The following SH3BP2 variants were observed in gnomAD, a reference collection of about 807,000 sequenced individuals.
SH3BP2 encodes the protein SH3 domain binding protein 2, also known as SH3 domain-binding protein 2.
Under a neutral mutation model 56.2 loss-of-function variants are expected in SH3BP2, and 38 were observed. The ratio of observed to expected loss-of-function variants is 0.68; its 90% confidence interval spans 0.52 to 0.89. The LOEUF is 0.89. SH3BP2 is among the 40% of genes least tolerant of loss of function. The probability of loss-of-function intolerance (pLI) is 0.00; values close to 1 mark genes in which losing one functional copy is unlikely to be tolerated. For missense variants in SH3BP2, 748 were observed against 762.6 expected, an observed-to-expected ratio of 0.98 and a Z score of 0.23; for synonymous variants, 346 against 316.7, an observed-to-expected ratio of 1.09 and a Z score of -0.98.
chr4:2,821,170 C>G (rs1346281645), intron 2 of SH3BP2, among the ~76,000 whole-genome samples: 1 of 152,328 alleles, frequency 6.6e-6, no homozygotes, highest in South Asian at 2.1e-4. Flanking sequence ...GGCTCTGGCC[C>G]CCAGGACAGC....
At chr4:2,826,712 CCG>C (rs1219670758) in intron 5 of SH3BP2, 6 of 354,480 alleles carry the variant, frequency 1.7e-5, no homozygotes, top group Non-Finnish European at 3.3e-5. Context: ...GTGTGCATGT[CCG>C]CATGTTGCTC....
chr4:2,808,111 A>ACT (rs10683835), intron 1 of SH3BP2, among the ~76,000 whole-genome samples: 118,146 of 152,000 alleles, frequency 0.78, 46,910 homozygotes, highest in African/African-American at 0.94. Context: ...ACAGAAATTT[A>ACT]CTCTCATGAT....
At position 2,827,649 on chromosome 4, in the gene SH3BP2, C is replaced by T; in HGVS notation, c.561C>T (p.Asp187=). Residue 187 remains aspartate (D), a synonymous_variant, in exon 7 of 13, where the codon GAC becomes GAT. Transcript: ENST00000503393. ...DDEDDSYLEP[D]SPEPGRLEDA... ...AGGATGACTCCTACCTGGAGCCTGA[C>T]TCCCCGGAGCCCGGAAGGCTTGAGG... 2 of 1,596,434 alleles carry T rather than the reference C, an allele frequency of 1.3e-6. No individual in the cohort carries two copies. The highest frequency in any genetic ancestry group is 1.7e-6 in the Non-Finnish European group (2 of 1,171,216).
At chr4:2,819,511 G>A (rs1724186779) in intron 1 of SH3BP2, among the ~76,000 whole-genome samples, 1 of 152,178 alleles carries the variant, frequency 6.6e-6, no homozygotes. Context: ...GGGCATCTGG[G>A]TCTGACCTTA....
chr4:2,795,868 C>G (rs1172460196), intron 1 of SH3BP2, among the ~76,000 whole-genome samples: 1 of 152,188 alleles, frequency 6.6e-6, no homozygotes, highest in Non-Finnish European at 1.5e-5. Context: ...CGGCTCCTCC[C>G]CAGAAGGCCT....
intron 5 of SH3BP2, 61 bp downstream of exon 5, chr4:2,825,257 C>T (rs184083066): frequency 5.1e-5 from 69 of 1,355,772 alleles, no homozygotes; most frequent in East Asian, 3.0e-4. Flanking sequence ...GGGCCTGACC[C>T]GGGTGTCCGC....
intron 1 of SH3BP2, among the ~76,000 whole-genome samples, chr4:2,794,469 G>A (rs974401127): frequency 1.3e-5 from 2 of 152,254 alleles, no homozygotes; most frequent in East Asian, 1.9e-4. Context: ...TGGCAGGACA[G>A]GAGGCCTGGG....
rs1724531282 is a variant in SH3BP2 at position 2,825,141 on chromosome 4, C to G, written c.373C>G (p.Leu125Val). 6.3e-7 allele frequency: 1 copy of G among 1,578,056 alleles called. No individual in the cohort carries two copies. Among genetic ancestry groups the G allele is most frequent in the Non-Finnish European group, 8.6e-7 (1 of 1,161,858 alleles). ...EEERKSWMAL[L>V]RREIGHFHEK... ...TGACCTGCAGAGCTGGATGGCCTTGCTGCGCAGGGAGATTGGCCACTTCCA... is the reference window on the plus strand; with the variant it reads ...TGACCTGCAGAGCTGGATGGCCTTGGTGCGCAGGGAGATTGGCCACTTCCA... Residue 125 changes from leucine to valine, a missense_variant, in exon 5 of 13, where the codon CTG becomes GTG. Leu to Val is a conservative substitution (Grantham distance 32, BLOSUM62 1). Coordinates refer to ENST00000503393, the MANE Select transcript of SH3BP2 (RefSeq NM_001122681.2).
In SH3BP2 at chr4:2,825,088, G is replaced by T. The variant is rs56103814; in HGVS notation, c.358-38G>T. 7.7e-3 allele frequency: 11,905 copies of T among 1,539,952 alleles called. 76 individuals carry two copies. The highest frequency in any genetic ancestry group is 8.7e-3 in the Non-Finnish European group (9,844 of 1,135,738). On this transcript the variant is annotated intron_variant, in intron 4 of 12. Coordinates refer to ENST00000503393, the MANE Select transcript of SH3BP2 (RefSeq NM_001122681.2). ...GGAGGGGTGCGGTGGGGCCCACCCT[G>T]GTGGCACCGTGCCCACCACAGCCCC...
chr4:2,833,466 G>A lies in SH3BP2; in HGVS notation c.1549-231G>A. ...GGTTCATTTCCTGACCTTGTCTGAA[G>A]TGCTCTGGGTGCAGGCTCCTGGACA... is the stretch of plus-strand genomic sequence containing the variant. On this transcript the variant is annotated intron_variant, in intron 12 of 12. Transcript: ENST00000503393. 9.6e-6 allele frequency: 6 copies of A among 622,450 alleles called. 2 individuals carry two copies. The South Asian group carries it at 1.1e-4, about 12-fold the overall frequency. 38.6% of individuals were successfully genotyped at this position (622,450 alleles called of 1,614,324 possible).
intron 6 of SH3BP2, 99 bp downstream of exon 6, chr4:2,827,417 T>C (rs1445046771): frequency 2.3e-6 from 3 of 1,310,908 alleles, no homozygotes; most frequent in Non-Finnish European, 3.3e-6. Context: ...GCTGTGCTCC[T>C]TGCTCTGGCC....
rs776628217 is a variant in SH3BP2, at chr4:2,823,012, G to A, written c.214G>A (p.Ala72Thr). Residue 72 changes from alanine (A) to threonine (T), a missense_variant, in exon 3 of 13, where the codon GCC becomes ACC. Coordinates refer to ENST00000503393, the MANE Select transcript of SH3BP2 (RefSeq NM_001122681.2). ...TAGCACCTCTGCCTCCCCGCAGGGCGCCTTCTCCCTGAGTGGCTATAACCG... is the reference window on the plus strand; with the variant it reads ...TAGCACCTCTGCCTCCCCGCAGGGCACCTTCTCCCTGAGTGGCTATAACCG... Reference protein sequence around the residue: ...KSSTSASPQGAFSLSGYNRVM... With the variant: ...KSSTSASPQGTFSLSGYNRVM... 1.8e-5 allele frequency: 29 copies of A among 1,613,760 alleles called. No individual in the cohort carries two copies. Among genetic ancestry groups the A allele is most frequent in the African/African-American group, 2.7e-5 (2 of 74,918 alleles).
chr4:2,829,697 C>G lies in SH3BP2; in HGVS notation c.791C>G (p.Ala264Gly). 6.2e-7 allele frequency: 1 copy of G among 1,612,964 alleles called. No homozygotes were observed. Among genetic ancestry groups the G allele is most frequent in the South Asian group, 1.1e-5 (1 of 91,080 alleles). Residue 264 changes from alanine (A) to glycine (G), a missense_variant, in exon 8 of 13, where the codon GCT (alanine) becomes GGT (glycine). Ala to Gly is a moderately conservative substitution (Grantham distance 60). This residue lies in a region of SH3BP2 where 635 missense variants were observed against 615.0 expected (regional missense o/e 1.03). Transcript: ENST00000503393. The surrounding 1 kb of genome is among the most constrained non-coding windows in gnomAD (Gnocchi z 4.9). ...AGGGACCCACTGTGCCCGAGGCGGG[C>G]TGAGCCTTGCCCCAGGGTACCTGCT... ...SKRDPLCPRR[A>G]EPCPRVPATP...
rs764213233 is a variant in SH3BP2 at position 2,830,140 on chromosome 4, C to T, written c.1234C>T (p.His412Tyr). 9 of 1,600,330 alleles carry T rather than the reference C, an allele frequency of 5.6e-6. No homozygotes were observed. In the East Asian group the frequency reaches 2.0e-4, roughly 36 times the overall value. Reference sequence around the variant, plus strand: ...CAGGCCAGAGAAGCCGCAGCTCCCGCACCTCCAGTGAGTTTGTGTGGCGGC... The same window carrying T: ...CAGGCCAGAGAAGCCGCAGCTCCCGTACCTCCAGTGAGTTTGTGTGGCGGC... ...LPRPEKPQLPHLQRSPPDGQS... is the reference protein window; with the variant it reads ...LPRPEKPQLPYLQRSPPDGQS... The change falls in exon 8 of 13, where the codon CAC becomes TAC. Residue 412 changes from histidine to tyrosine, a missense_variant. His to Tyr is a moderately conservative substitution (Grantham distance 83, BLOSUM62 2). Coordinates refer to ENST00000503393, the MANE Select transcript of SH3BP2 (RefSeq NM_001122681.2).
At chr4:2,799,070 CA>C in intron 1 of SH3BP2, 2 of 985,504 alleles carry the variant, frequency 2.0e-6, no homozygotes, top group Non-Finnish European at 1.2e-6. Context: ...TAATGGCGCT[CA>C]GGGGTGCAGC....
chr4:2,809,887 C>T, intron 1 of SH3BP2: 1 of 893,328 alleles, frequency 1.1e-6, no homozygotes, highest in African/African-American at 1.8e-5. Flanking sequence ...TTTGAGGCAC[C>T]AGCTCAGGGG....
intron 1 of SH3BP2, chr4:2,818,246 C>A (rs1320446003): frequency 1.3e-5 from 13 of 991,386 alleles, no homozygotes; most frequent in Non-Finnish European, 1.6e-5. Context: ...GGGCCGCGGC[C>A]GCGGAGCTGG....
chr4:2,812,246 C>T, intron 1 of SH3BP2: 2 of 1,529,010 alleles, frequency 1.3e-6, no homozygotes, highest in Non-Finnish European at 1.8e-6. Flanking sequence ...GAGCAGGGAA[C>T]AGGAAGTCCC....
intron 1 of SH3BP2, among the ~76,000 whole-genome samples, chr4:2,807,722 C>G (rs1021751974): frequency 6.6e-6 from 1 of 152,154 alleles, no homozygotes; most frequent in Admixed American, 6.5e-5. Context: ...GCTGCTGCGC[C>G]GTGGTGAATG....
Sources: allele counts gnomAD v4.1 joint callset (sites outside exome capture counted in the v4.1 genomes callset), GRCh38; gene constraint gnomAD v4.1.1; regional missense constraint gnomAD v4.1.1; non-coding constraint Gnocchi (gnomAD v3.1); transcripts MANE v1.5; gene names NCBI Gene and HGNC (gene_info 2026-07-23, HGNC 2026-07-21).